The following ZNF568 variants were observed in gnomAD, a reference collection of about 807,000 sequenced individuals.
ZNF568 encodes the protein p53 inhibitor of SCO2 activation.
A neutral mutation model predicts 18.1 loss-of-function variants in ZNF568; 11 were observed. The observed-to-expected ratio is 0.61, with a 90% CI of 0.38 to 1.00. ZNF568 has a LOEUF of 1.00. ZNF568 is among the 50% of genes least tolerant of loss of function. The probability of loss-of-function intolerance (pLI) is 0.01; values close to 1 mark genes in which losing one functional copy is unlikely to be tolerated. For missense variants in ZNF568, 639 were observed against 768.2 expected, an observed-to-expected ratio of 0.83 and a Z score of 1.99; for synonymous variants, 213 against 246.6, an observed-to-expected ratio of 0.86 and a Z score of 1.28.
chr19:36,987,822 C>CTGTG (rs56000710), intron 2 of ZNF568, among the ~76,000 whole-genome samples: 2,268 of 146,398 alleles, frequency 0.015, 24 homozygotes, highest in Middle Eastern at 0.035. Context: ...AACACAGACT[C>CTGTG]TGTGTGTGTG....
chr19:36,936,714 A>G (rs2073795921), intron 4 of ZNF568, 32 bp from the exon 5 acceptor site: 6 of 1,593,578 alleles, frequency 3.8e-6, no homozygotes, highest in Non-Finnish European at 5.1e-6. Context: ...AATTTTGATG[A>G]CTTCAAATTA....
At chr19:36,953,715 C>G (rs999618431), downstream of ZNF568, among the ~76,000 whole-genome samples, 7 of 151,958 alleles carry the variant, frequency 4.6e-5, no homozygotes, top group Non-Finnish European at 8.8e-5. Context: ...AATTCAAGAC[C>G]AGTCTGGTCA....
chr19:36,984,226 T>G (rs963466299), downstream of ZNF568, among the ~76,000 whole-genome samples: 2 of 152,148 alleles, frequency 1.3e-5, no homozygotes, highest in Non-Finnish European at 2.9e-5. Flanking sequence ...ACGAGAGTAT[T>G]TAGTCATTTA....
In ZNF568 at chr19:36,950,593, G is replaced by A; in HGVS notation, c.1440G>A (p.Gly480=). Residue 480 remains glycine, a synonymous_variant, in exon 7 of 7, where the codon GGG becomes GGA. Coordinates refer to ENST00000333987, the MANE Select transcript of ZNF568 (RefSeq NM_198539.4). ...AACCTTATGAATGCAGTGAATGTGG[G>A]AAAGCTTTTATTCAGATGTCAAACC... The part of the protein sequence containing the change: ...GEKPYECSEC[G]KAFIQMSNLI... The A allele has an allele frequency of 1.2e-6, 2 of 1,613,706 alleles. No homozygotes were observed. Among genetic ancestry groups the A allele is most frequent in the Non-Finnish European group, 1.7e-6 (2 of 1,179,784 alleles).
chr19:36,923,847 A>C (rs1015616249), intron 3 of ZNF568, among the ~76,000 whole-genome samples: 3 of 151,308 alleles, frequency 2.0e-5, no homozygotes, highest in African/African-American at 7.3e-5. Context: ...TGGCTTCCCC[A>C]CCCTCCTCCC....
At chr19:36,964,472 G>C (rs1320763114) in intron 6 of ZNF568, among the ~76,000 whole-genome samples, 1 of 152,182 alleles carries the variant, frequency 6.6e-6, no homozygotes, top group African/African-American at 2.4e-5. Context: ...CCCATTAAGT[G>C]TTCTCTGAAC....
chr19:36,950,798 G>GA lies in ZNF568; in HGVS notation c.1651dup (p.Ile551AsnfsTer11). On this transcript the variant is annotated frameshift_variant, in exon 7 of 7. Coordinates refer to ENST00000333987, the MANE Select transcript of ZNF568 (RefSeq NM_198539.4). LOFTEE classifies it low-confidence loss of function (END_TRUNC). Reference sequence around the variant, plus strand: ...TCAGAGACAAAATCTTCTTGAGCATGAAAAAATTCATACTGGAGAGAAACC... The same window carrying GA: ...TCAGAGACAAAATCTTCTTGAGCATGAAAAAAATTCATACTGGAGAGAAACC... 1.2e-6 allele frequency: 2 copies of GA among 1,613,480 alleles called. No homozygotes were observed. The highest frequency in any genetic ancestry group is 1.7e-6 in the Non-Finnish European group (2 of 1,179,916).
At chr19:36,966,680 T>C (rs1232873883) in intron 6 of ZNF568, among the ~76,000 whole-genome samples, 2 of 152,196 alleles carry the variant, frequency 1.3e-5, no homozygotes, top group Non-Finnish European at 2.9e-5. Flanking sequence ...AAGAGGGACA[T>C]TGAAGGAAGA....
At chr19:36,937,617 T>A (rs543946737) in intron 6 of ZNF568, among the ~76,000 whole-genome samples, 2 of 152,218 alleles carry the variant, frequency 1.3e-5, no homozygotes, top group Non-Finnish European at 2.9e-5. Flanking sequence ...TGTAGTAATT[T>A]TAAAACATGT....
intron 2 of ZNF568, among the ~76,000 whole-genome samples, chr19:36,919,927 G>A (rs1180202258): frequency 1.3e-5 from 2 of 152,090 alleles, no homozygotes; most frequent in African/African-American, 2.4e-5. Context: ...TATGTTACTG[G>A]TTCATGTGCC....
chr19:36,950,520 G>C lies in ZNF568; in HGVS notation c.1367G>C (p.Ser456Thr). Residue 456 changes from serine to threonine, a missense_variant, in exon 7 of 7, where the codon AGC becomes ACC. By Grantham distance (58) the Ser-to-Thr change is moderately conservative (BLOSUM62 1). Coordinates refer to ENST00000333987, the MANE Select transcript of ZNF568 (RefSeq NM_198539.4). ...TGTAAGGAATGTGGAAAAGCCTTCA[G>C]CAGGAAAGAAAATCTCATTACACAT... Reference protein sequence around the residue: ...YECKECGKAFSRKENLITHQK... With the variant: ...YECKECGKAFTRKENLITHQK... 1 of 1,613,984 alleles carries C rather than the reference G, an allele frequency of 6.2e-7. No homozygotes were observed. The highest frequency in any genetic ancestry group is 8.5e-7 in the Non-Finnish European group (1 of 1,179,974).
rs922283640 is a variant in ZNF568 at position 36,950,363 on chromosome 19, G to A, written c.1210G>A (p.Val404Ile). 12 of 1,613,202 alleles carry A rather than the reference G, an allele frequency of 7.4e-6. No individual in the cohort carries two copies. The highest frequency in any genetic ancestry group is 1.0e-5 in the Non-Finnish European group (12 of 1,179,666). The change falls in exon 7 of 7, where the codon GTA becomes ATA. Residue 404 changes from valine to isoleucine, a missense_variant. Val to Ile is a conservative substitution (Grantham distance 29). Transcript: ENST00000333987. ...TGGAAAAGCTTTCTCTCAATGCTCA[G>A]TATTTATTATACATATGAGAAGTCA... ...KCGKAFSQCS[V>I]FIIHMRSHTG...
chr19:36,984,795 T>G (rs2074361970), downstream of ZNF568, among the ~76,000 whole-genome samples: 4 of 152,302 alleles, frequency 2.6e-5, no homozygotes, highest in South Asian at 8.3e-4. Context: ...TAAATAGTCA[T>G]CTGTCAATCA....
intron 3 of ZNF568, among the ~76,000 whole-genome samples, chr19:36,923,694 T>C (rs2073497568): frequency 6.6e-6 from 1 of 151,932 alleles, no homozygotes; most frequent in Admixed American, 6.6e-5. Flanking sequence ...TATGCCATGT[T>C]GGGTGAAAGA....
At position 36,950,751 on chromosome 19, in the gene ZNF568, A is replaced by G; in HGVS notation, c.1598A>G (p.Asn533Ser). The G allele has an allele frequency of 6.2e-7, 1 of 1,613,716 alleles. No individual in the cohort carries two copies. The highest frequency in any genetic ancestry group is 8.5e-7 in the Non-Finnish European group (1 of 1,179,982). The change falls in exon 7 of 7, where the codon AAT becomes AGT. Residue 533 changes from asparagine (N) to serine (S), a missense_variant. Asn to Ser is a conservative substitution (Grantham distance 46, BLOSUM62 1). Transcript: ENST00000333987. Reference sequence around the variant, plus strand: ...ACTGGAGAGAAACCTTATCATTGTAATCAATGTGGGAAAGCTTTCAGTCAG... The same window carrying G: ...ACTGGAGAGAAACCTTATCATTGTAGTCAATGTGGGAAAGCTTTCAGTCAG... ...IHTGEKPYHC[N>S]QCGKAFSQRQ...
chr19:36,935,377 T>C (rs71356024), intron 4 of ZNF568, among the ~76,000 whole-genome samples: 31,591 of 151,866 alleles, frequency 0.21, 3,513 homozygotes, highest in African/African-American at 0.29. Context: ...CTGGCCAAGA[T>C]GGTGAAACCC....
intron 6 of ZNF568, chr19:36,973,356 C>CAGGT (rs2074252718): frequency 6.5e-6 from 1 of 153,340 alleles, no homozygotes; most frequent in East Asian, 1.9e-4. Flanking sequence ...GTTTAAAAGA[C>CAGGT]AGGTGGCTCT....
intron 4 of ZNF568, among the ~76,000 whole-genome samples, chr19:36,928,323 A>C (rs976295521): frequency 6.6e-6 from 1 of 152,072 alleles, no homozygotes; most frequent in South Asian, 2.1e-4. Flanking sequence ...AGAGCTGAAA[A>C]TTTTTTTAAC....
chr19:36,991,938 A>C, intron 4 of ZNF568: 1 of 1,026,728 alleles, frequency 9.7e-7, no homozygotes, highest in Non-Finnish European at 1.4e-6. Flanking sequence ...TTTGGTAGGA[A>C]AGCTGCCTAA....
Sources: allele counts gnomAD v4.1 joint callset (sites outside exome capture counted in the v4.1 genomes callset), GRCh38; gene constraint gnomAD v4.1.1; transcripts MANE v1.5; gene names NCBI Gene and HGNC (gene_info 2026-07-23, HGNC 2026-07-21).